The following REL variants were observed in gnomAD, a reference collection of about 807,000 sequenced individuals.
REL encodes the protein proto-oncogene c-Rel.
REL carries 15 observed loss-of-function variants against 45.9 expected under a neutral mutation model. That is an observed-to-expected ratio of 0.33 (90% CI 0.22 to 0.50). The LOEUF is 0.50. Among genes scored for constraint, REL ranks in the 20% least tolerant of loss-of-function variants. The pLI is 0.98. For synonymous variants in REL, 239 were observed against 242.1 expected, an observed-to-expected ratio of 0.99 and a Z score of 0.12; for missense variants, 601 against 715.2, an observed-to-expected ratio of 0.84 and a Z score of 1.82.
intron 1 of REL, among the ~76,000 whole-genome samples, chr2:60,887,648 G>T (rs1287765882): frequency 6.7e-6 from 1 of 149,864 alleles, no homozygotes; most frequent in East Asian, 2.1e-4. Flanking sequence ...CCAGCTGGGG[G>T]AATGTAGAGT....
chr2:60,884,483 A>G (rs1450927693), intron 1 of REL, among the ~76,000 whole-genome samples: 1 of 152,084 alleles, frequency 6.6e-6, no homozygotes, highest in African/African-American at 2.4e-5. Flanking sequence ...TTTTGACATA[A>G]TTAATAATAG....
intron 4 of REL, among the ~76,000 whole-genome samples, chr2:60,904,532 T>C (rs1017759231): frequency 6.6e-6 from 1 of 151,306 alleles, no homozygotes; most frequent in Admixed American, 6.6e-5. Context: ...GATCACGCCA[T>C]TGGACTCCAA....
At chr2:60,883,168 C>T (rs1455458449) in intron 1 of REL, among the ~76,000 whole-genome samples, 1 of 152,062 alleles carries the variant, frequency 6.6e-6, no homozygotes, top group African/African-American at 2.4e-5. Context: ...GAGGGGGCCC[C>T]GTTTATGAAC....
chr2:60,911,994 C>CAAA lies in REL; in HGVS notation c.395-4860_395-4858dup, dbSNP rs763342298. On this transcript the variant is annotated intron_variant, in intron 4 of 9. Coordinates refer to ENST00000394479, the MANE Select transcript of REL (RefSeq NM_001291746.2). ...GCCTGGGCAAAGAGCAAGACTGTCTCAAAAAAAAAAAAAAAAAAAAAAAAA... is the reference window on the plus strand; with the variant it reads ...GCCTGGGCAAAGAGCAAGACTGTCTCAAAAAAAAAAAAAAAAAAAAAAAAAAAA... 7.8e-4 allele frequency among the ~76,000 whole-genome samples: 29 copies of CAAA among 37,196 alleles called. 1 individual carries two copies. The highest frequency in any genetic ancestry group is 1.8e-3 in the South Asian group (2 of 1,102). The allele number at this position is 37,196 out of a possible 152,430, so 24.4% of individuals were successfully genotyped here.
At chr2:60,883,892 G>A (rs1673008360) in intron 1 of REL, among the ~76,000 whole-genome samples, 1 of 147,508 alleles carries the variant, frequency 6.8e-6, no homozygotes, top group South Asian at 2.1e-4. Flanking sequence ...ATTAAAATGG[G>A]ACTATTTAAA....
At position 60,926,954 on chromosome 2, in the gene REL, A is replaced by C. The variant is rs1244571601; in HGVS notation, c.*4419A>C. 1 of 226,980 alleles carries C rather than the reference A, an allele frequency of 4.4e-6. No homozygotes were observed. The highest frequency in any genetic ancestry group is 2.2e-5 in the African/African-American group (1 of 44,958). 14.1% of individuals were successfully genotyped at this position (226,980 alleles called of 1,614,324 possible). A position where few individuals can be genotyped will look rare whatever the true frequency, so the allele number is the denominator to read the frequency against. ...CATAGCTAGCATTCCTTGAAAAAAA[A>C]CAATTCTCTCAGGCCTCCATACCTT... is the stretch of plus-strand genomic sequence containing the variant. On this transcript the variant is annotated 3_prime_UTR_variant, in exon 10 of 10. Transcript: ENST00000394479.
intron 3 of REL, chr2:60,899,474 A>C (rs975686546): frequency 5.9e-5 from 9 of 152,134 alleles, no homozygotes; most frequent in African/African-American, 2.2e-4. Context: ...GCAGAGTGAG[A>C]TCATCTCAAA....
At chr2:60,906,720 C>A (rs981124953) in intron 4 of REL, among the ~76,000 whole-genome samples, 1 of 151,826 alleles carries the variant, frequency 6.6e-6, no homozygotes, top group Admixed American at 6.6e-5. Context: ...GCATGAAATA[C>A]CCTGATCTGC....
At chr2:60,891,580 A>G (rs1673215145) in intron 1 of REL, 103 bp from the exon 2 acceptor site, 9 of 1,041,224 alleles carry the variant, frequency 8.6e-6, no homozygotes, top group Non-Finnish European at 1.2e-5. Flanking sequence ...GAGGAAAAAA[A>G]TCTTTGTTTT....
chr2:60,923,778 G>C lies in REL; in HGVS notation c.*1243G>C, dbSNP rs982151492. 1 of 233,022 alleles carries C rather than the reference G, an allele frequency of 4.3e-6. No individual in the cohort carries two copies. The highest frequency in any genetic ancestry group is 2.2e-5 in the African/African-American group (1 of 45,324). The allele number at this position is 233,022 out of a possible 1,614,324, so 14.4% of individuals were successfully genotyped here. ...ATCATCTCTTCCCTGGATTGAAGCT[G>C]TCATCTACAAAAATTCTTCTTATAT... On this transcript the variant is annotated 3_prime_UTR_variant, in exon 10 of 10. Coordinates refer to ENST00000394479, the MANE Select transcript of REL (RefSeq NM_001291746.2).
intron 4 of REL, 24 bp from the exon 5 acceptor site, chr2:60,916,852 TA>T: frequency 1.9e-6 from 3 of 1,589,454 alleles, no homozygotes; most frequent in Non-Finnish European, 2.6e-6. Flanking sequence ...CTATTACATT[TA>T]AAAAATTTTT....
Position 60,925,810 on chromosome 2 carries a change from G to A in REL, c.*3275G>A, listed in dbSNP as rs916470436. On this transcript the variant is annotated 3_prime_UTR_variant, in exon 10 of 10. Coordinates refer to ENST00000394479, the MANE Select transcript of REL (RefSeq NM_001291746.2). Reference sequence around the variant, plus strand: ...GTTTTTTTCTTTAAACTAATTAAGCGTTGGCTACTTAGTATAAGTAAGTAT... The same window carrying A: ...GTTTTTTTCTTTAAACTAATTAAGCATTGGCTACTTAGTATAAGTAAGTAT... 3.8e-5 allele frequency: 8 copies of A among 211,324 alleles called. No individual in the cohort carries two copies. The highest frequency in any genetic ancestry group is 1.9e-4 in the South Asian group (1 of 5,354). The allele number at this position is 211,324 out of a possible 1,614,324, so 13.1% of individuals were successfully genotyped here.
Position 60,927,183 on chromosome 2 carries a change from T to TTGG in REL, c.*4651_*4653dup. Reference sequence around the variant, plus strand: ...CCCAGCATAGTCCCTAGTATACTAGTTGGTGCTGAATAAATAGTAGCTATT... The same window carrying TTGG: ...CCCAGCATAGTCCCTAGTATACTAGTTGGTGGTGCTGAATAAATAGTAGCTATT... On this transcript the variant is annotated 3_prime_UTR_variant, in exon 10 of 10. Transcript: ENST00000394479. 4.4e-6 allele frequency: 1 copy of TTGG among 226,464 alleles called. No individual in the cohort carries two copies. Among genetic ancestry groups the TTGG allele is most frequent in the East Asian group, 6.3e-5 (1 of 15,770 alleles). The allele number at this position is 226,464 out of a possible 1,614,324, so 14.0% of individuals were successfully genotyped here.
At chr2:60,884,271 A>G (rs2103912890) in intron 1 of REL, among the ~76,000 whole-genome samples, 1 of 152,186 alleles carries the variant, frequency 6.6e-6, no homozygotes, top group South Asian at 2.1e-4. Flanking sequence ...ATGTAGTTGA[A>G]TATGTGATAG....
At chr2:60,920,272 A>G (rs1465027295) in intron 8 of REL, 163 bp downstream of exon 8, 5 of 629,332 alleles carry the variant, frequency 7.9e-6, no homozygotes, top group Non-Finnish European at 1.4e-5. Context: ...GGCAATCTCA[A>G]CTCACTGCAA....
chr2:60,895,293 A>G (rs1673321135), intron 3 of REL, among the ~76,000 whole-genome samples: 1 of 149,072 alleles, frequency 6.7e-6, no homozygotes, highest in African/African-American at 2.5e-5. Flanking sequence ...AGTGATCTTC[A>G]GCCTCAGCCT....
In REL at chr2:60,924,243, A is replaced by ACTAAGTATT; in HGVS notation, c.*1709_*1717dup. 8.8e-6 allele frequency: 2 copies of ACTAAGTATT among 227,474 alleles called. No homozygotes were observed. Among genetic ancestry groups the ACTAAGTATT allele is most frequent in the East Asian group, 1.3e-4 (2 of 15,824 alleles). 14.1% of individuals were successfully genotyped at this position (227,474 alleles called of 1,614,324 possible). ...ATAGCACTCACCACGATCTGACTTT[A>ACTAAGTATT]CTAAGTATTTATTCATTTACTGTTT... On this transcript the variant is annotated 3_prime_UTR_variant, in exon 10 of 10. Coordinates refer to ENST00000394479, the MANE Select transcript of REL (RefSeq NM_001291746.2).
At chr2:60,893,031 G>A (rs908392422) in intron 2 of REL, among the ~76,000 whole-genome samples, 1 of 152,170 alleles carries the variant, frequency 6.6e-6, no homozygotes, top group Non-Finnish European at 1.5e-5. Context: ...GAGATTATAG[G>A]TGTGAGCCAA....
At position 60,918,400 on chromosome 2, in the gene REL, T is replaced by C; in HGVS notation, c.647T>C (p.Ile216Thr). 1 of 1,612,836 alleles carries C rather than the reference T, an allele frequency of 6.2e-7. No individual in the cohort carries two copies. The highest frequency in any genetic ancestry group is 8.5e-7 in the Non-Finnish European group (1 of 1,179,140). ...TTGGTTTCTTATTGACTAGATGACATAGAAGTTCGTTTTGTGTTGAACGAT... is the reference window on the plus strand; with the variant it reads ...TTGGTTTCTTATTGACTAGATGACACAGAAGTTCGTTTTGTGTTGAACGAT... ...LLCDKVQKDD[I>T]EVRFVLNDWE... Residue 216 changes from isoleucine (I) to threonine (T), a missense_variant, in exon 7 of 10, where the codon ATA becomes ACA. Physicochemically the swap from Ile to Thr is moderately conservative, Grantham distance 89. Around this residue, in one of 4 missense-constraint regions of REL, gnomAD observed 241 missense variants for 347.0 expected, o/e 0.69. Coordinates refer to ENST00000394479, the MANE Select transcript of REL (RefSeq NM_001291746.2).
Sources: gnomAD v4.1 joint callset for allele counts (sites outside exome capture counted in the v4.1 genomes callset) on GRCh38, gnomAD v4.1.1 for gene constraint, gnomAD v4.1.1 regional missense constraint, MANE v1.5 for transcripts, NCBI Gene and HGNC (gene_info 2026-07-23, HGNC 2026-07-21) for gene names.